The following LAMB1 variants were observed in gnomAD, a reference collection of about 807,000 sequenced individuals.
LAMB1 encodes the protein laminin subunit beta 1, also known as laminin subunit beta-1.
LAMB1 carries 121 observed loss-of-function variants against 222.3 expected under a neutral mutation model. That is an observed-to-expected ratio of 0.54 (90% CI 0.47 to 0.63). The LOEUF is 0.63. LAMB1 is among the 30% of genes least tolerant of loss of function. The pLI, the probability that LAMB1 is intolerant of heterozygous loss-of-function variation, is 0.00. For missense variants in LAMB1, 2,172 were observed against 2,240.8 expected (o/e 0.97, Z 0.62); for synonymous variants, 794 against 807.2 (o/e 0.98, Z 0.28).
chr7:107,936,070 C>A (rs1166730167), intron 26 of LAMB1, among the ~76,000 whole-genome samples: 1 of 152,164 alleles, frequency 6.6e-6, no homozygotes, highest in Non-Finnish European at 1.5e-5. Flanking sequence ...ATTCAACCAA[C>A]TGTGGATGGA....
chr7:107,989,073 G>A (rs539360344), intron 5 of LAMB1, among the ~76,000 whole-genome samples: 2 of 152,250 alleles, frequency 1.3e-5, no homozygotes, highest in South Asian at 4.1e-4. Context: ...TCCCTCACTG[G>A]CTGAAGGCAC....
intron 9 of LAMB1, among the ~76,000 whole-genome samples, chr7:107,976,162 T>C (rs1387295027): frequency 6.6e-6 from 1 of 152,178 alleles, no homozygotes; most frequent in Non-Finnish European, 1.5e-5. Flanking sequence ...GGAAAGTCCC[T>C]TTGGAAGTGT....
chr7:107,943,809 G>T (rs1184772922), intron 24 of LAMB1, among the ~76,000 whole-genome samples: 1 of 152,188 alleles, frequency 6.6e-6, no homozygotes, highest in Non-Finnish European at 1.5e-5. Flanking sequence ...AAAAAAGAGA[G>T]CATGTGCGTG....
At chr7:107,983,743 C>A (rs954681468) in intron 7 of LAMB1, among the ~76,000 whole-genome samples, 1 of 151,906 alleles carries the variant, frequency 6.6e-6, no homozygotes, top group African/African-American at 2.4e-5. Flanking sequence ...GTCTCAAACT[C>A]CTGACCTCGT....
intron 27 of LAMB1, among the ~76,000 whole-genome samples, chr7:107,933,147 G>A (rs772994361): frequency 6.6e-6 from 1 of 152,158 alleles, no homozygotes; most frequent in Non-Finnish European, 1.5e-5. Context: ...TCACCACTTG[G>A]TCATGGCATA....
At chr7:107,978,278 A>C in intron 8 of LAMB1, 111 bp from the exon 9 acceptor site, 10 of 1,221,654 alleles carry the variant, frequency 8.2e-6, no homozygotes, top group African/African-American at 1.5e-5. Flanking sequence ...TCTCTAGCTC[A>C]CCACAGAAAA....
At chr7:107,934,045 G>A (rs987352600) in intron 27 of LAMB1, among the ~76,000 whole-genome samples, 1 of 152,154 alleles carries the variant, frequency 6.6e-6, no homozygotes, top group African/African-American at 2.4e-5. Context: ...GAAAGATGGA[G>A]AGAATTGGCA....
chr7:107,936,231 T>C (rs2032843018), intron 26 of LAMB1: 1 of 152,232 alleles, frequency 6.6e-6, no homozygotes, highest in African/African-American at 2.4e-5. Context: ...CTTTTAAATA[T>C]ACTGAAGGGA....
chr7:107,986,370 G>A lies in LAMB1; in HGVS notation c.424-7C>T. On this transcript the variant is annotated splice_polypyrimidine_tract_variant and splice_region_variant and intron_variant, in intron 5 of 33. Coordinates refer to ENST00000222399, the MANE Select transcript of LAMB1 (RefSeq NM_002291.3). ...TAGCAGCTGGACGGAATGTCTAAAGGCAGGAGCAAAAATCTCATTTGATGT... is the reference window on the plus strand; with the variant it reads ...TAGCAGCTGGACGGAATGTCTAAAGACAGGAGCAAAAATCTCATTTGATGT... 6.4e-7 allele frequency: 1 copy of A among 1,558,982 alleles called. No individual in the cohort carries two copies. The highest frequency in any genetic ancestry group is 1.4e-5 in the African/African-American group (1 of 72,688).
intron 5 of LAMB1, among the ~76,000 whole-genome samples, chr7:107,993,155 A>G (rs1320364553): frequency 6.6e-6 from 1 of 152,044 alleles, no homozygotes; most frequent in African/African-American, 2.4e-5. Context: ...TTTTCTCGAG[A>G]CAGGGTCTCA....
intron 25 of LAMB1, among the ~76,000 whole-genome samples, chr7:107,937,830 C>T (rs1370070127): frequency 1.3e-5 from 2 of 152,198 alleles, no homozygotes; most frequent in Non-Finnish European, 2.9e-5. Context: ...CTTCTACCAA[C>T]AGCCTTTTTA....
chr7:107,995,607 G>C (rs564931401), intron 4 of LAMB1, among the ~76,000 whole-genome samples: 16 of 152,134 alleles, frequency 1.1e-4, no homozygotes, highest in Non-Finnish European at 2.2e-4. Flanking sequence ...TCTCTTTCAG[G>C]GGAAAGCCTG....
chr7:107,977,405 A>T (rs892440970), intron 9 of LAMB1, among the ~76,000 whole-genome samples: 3 of 152,120 alleles, frequency 2.0e-5, no homozygotes, highest in Non-Finnish European at 2.9e-5. Flanking sequence ...GCACAGAAAC[A>T]AGGCCAAAAA....
chr7:107,983,237 T>G (rs2034008565), intron 7 of LAMB1, among the ~76,000 whole-genome samples: 2 of 152,198 alleles, frequency 1.3e-5, no homozygotes, highest in African/African-American at 4.8e-5. Flanking sequence ...CCTGGACTTC[T>G]TCCACTCCAC....
At chr7:107,951,892 C>A in intron 23 of LAMB1, 117 bp downstream of exon 23, 1 of 835,920 alleles carries the variant, frequency 1.2e-6, no homozygotes, top group Non-Finnish European at 1.9e-6. Flanking sequence ...GGGCTAAGAT[C>A]CAGGCCACGC....
At chr7:107,999,340 G>A (rs1468589490) in intron 3 of LAMB1, among the ~76,000 whole-genome samples, 4 of 152,142 alleles carry the variant, frequency 2.6e-5, no homozygotes, top group Admixed American at 6.6e-5. Context: ...TTTCCACAAG[G>A]AGCTTTGCTC....
chr7:108,001,468 TG>T, intron 3 of LAMB1, 89 bp downstream of exon 3: 1 of 1,373,476 alleles, frequency 7.3e-7, no homozygotes, highest in Non-Finnish European at 9.7e-7. Context: ...TCTGGATTGC[TG>T]GAAGGATGCG....
chr7:107,969,206 T>C (rs2033694580), intron 13 of LAMB1, among the ~76,000 whole-genome samples: 1 of 149,936 alleles, frequency 6.7e-6, no homozygotes, highest in Non-Finnish European at 1.5e-5. Context: ...GAGAATGGCA[T>C]GAACCTGGGA....
chr7:107,975,216 T>C lies in LAMB1; in HGVS notation c.1369+18A>G. The C allele has an allele frequency of 6.2e-7, 1 of 1,601,060 alleles. No homozygotes were observed. The highest frequency in any genetic ancestry group is 8.5e-7 in the Non-Finnish European group (1 of 1,170,744). The stretch of plus-strand genomic sequence containing the variant: ...CAAACACAAGAAAACTCCCAAACTT[T>C]TTAGCAAACAGACCTACATTTACAA... On this transcript the variant is annotated intron_variant, in intron 11 of 33. Coordinates refer to ENST00000222399, the MANE Select transcript of LAMB1 (RefSeq NM_002291.3).
Sources: gnomAD v4.1 joint callset for allele counts (sites outside exome capture counted in the v4.1 genomes callset) on GRCh38, gnomAD v4.1.1 for gene constraint, MANE v1.5 for transcripts, NCBI Gene and HGNC (gene_info 2026-07-23, HGNC 2026-07-21) for gene names.